The following DLG2 variants were observed in gnomAD, a reference collection of about 807,000 sequenced individuals.
DLG2 encodes the protein discs large MAGUK scaffold protein 2, also known as disks large homolog 2.
In DLG2, 45 loss-of-function variants were observed where a neutral mutation model predicts 132.5. The ratio of observed to expected loss-of-function variants is 0.34; its 90% CI spans 0.27 to 0.44. The LOEUF (loss-of-function observed/expected upper bound fraction) is 0.44. DLG2 is among the 20% of genes least tolerant of loss of function. The probability of loss-of-function intolerance (pLI) is 1.00; values close to 1 mark genes in which losing one functional copy is unlikely to be tolerated. For synonymous variants in DLG2, 424 were observed against 419.6 expected (o/e 1.01, Z -0.13); for missense variants, 1,045 against 1,196.9 (o/e 0.87, Z 1.87).
intron 8 of DLG2, among the ~76,000 whole-genome samples, chr11:84,214,446 T>C (rs2096808235): frequency 6.6e-6 from 1 of 151,662 alleles, no homozygotes. Context: ...TATATATGTA[T>C]AAACATATAT....
chr11:83,936,671 G>A (rs1712295058), intron 14 of DLG2, among the ~76,000 whole-genome samples: 1 of 152,174 alleles, frequency 6.6e-6, no homozygotes, highest in Admixed American at 6.5e-5. Flanking sequence ...ATTTAAAGTT[G>A]TTTTGAATAT....
chr11:85,583,042 C>T (rs1347458921), intron 3 of DLG2, among the ~76,000 whole-genome samples: 1 of 96,762 alleles, frequency 1.0e-5, no homozygotes, highest in Non-Finnish European at 2.0e-5. Context: ...GAACTAGAAA[C>T]CAGGGGAAAA....
At chr11:84,035,556 A>G (rs1384904836) in intron 11 of DLG2, among the ~76,000 whole-genome samples, 1 of 152,202 alleles carries the variant, frequency 6.6e-6, no homozygotes, top group African/African-American at 2.4e-5. Flanking sequence ...TTGAAGGTGC[A>G]TGGGCAAGGG....
At chr11:84,193,953 G>A (rs950494779) in intron 8 of DLG2, among the ~76,000 whole-genome samples, 19 of 152,264 alleles carry the variant, frequency 1.2e-4, no homozygotes, top group African/African-American at 3.1e-4. Context: ...GACTGCTGGC[G>A]TATGGAACAT....
At chr11:84,865,610 T>C (rs1449353659) in intron 6 of DLG2, among the ~76,000 whole-genome samples, 2 of 152,180 alleles carry the variant, frequency 1.3e-5, no homozygotes, top group African/African-American at 4.8e-5. Flanking sequence ...TTTTCAAAGG[T>C]AACAGTTATT....
intron 15 of DLG2, among the ~76,000 whole-genome samples, chr11:83,876,336 C>A (rs949339363): frequency 2.0e-5 from 3 of 152,238 alleles, no homozygotes; most frequent in Admixed American, 6.5e-5. Context: ...AGAATAATTA[C>A]TGTATTTAGA....
chr11:84,582,244 G>A (rs1213950455), intron 6 of DLG2, among the ~76,000 whole-genome samples: 1 of 151,284 alleles, frequency 6.6e-6, no homozygotes, highest in South Asian at 2.1e-4. Context: ...GATTCATTAA[G>A]TTTATCAGGG....
chr11:84,827,676 C>CAAAAAAAAAAAAAAAAAAAAAA (rs398016953), intron 6 of DLG2, among the ~76,000 whole-genome samples: 4 of 35,100 alleles, frequency 1.1e-4, no homozygotes, highest in Non-Finnish European at 1.9e-4. Flanking sequence ...TACATACAGT[C>CAAAAAAAAAAAAAAAAAAAAAA]AAAAAAAAAA....
chr11:83,780,413 A>G (rs2094767176), intron 18 of DLG2, among the ~76,000 whole-genome samples: 1 of 152,232 alleles, frequency 6.6e-6, no homozygotes, highest in South Asian at 2.1e-4. Flanking sequence ...TTTCCTTCTG[A>G]ATTAGCCTCA....
chr11:85,159,822 C>T (rs1208959314), intron 4 of DLG2, among the ~76,000 whole-genome samples: 1 of 152,214 alleles, frequency 6.6e-6, no homozygotes, highest in Non-Finnish European at 1.5e-5. Flanking sequence ...TATCAACTCT[C>T]CAGCTCTGTG....
intron 6 of DLG2, among the ~76,000 whole-genome samples, chr11:84,974,825 G>T (rs2054634628): frequency 6.6e-6 from 1 of 152,228 alleles, no homozygotes; most frequent in Non-Finnish European, 1.5e-5. Flanking sequence ...TGTGATGCAT[G>T]CTAGAGTTTG....
At chr11:84,791,144 T>C (rs571691223) in intron 6 of DLG2, among the ~76,000 whole-genome samples, 1 of 152,102 alleles carries the variant, frequency 6.6e-6, no homozygotes, top group South Asian at 2.1e-4. Flanking sequence ...AACCATCAGG[T>C]CTCATGAGAA....
chr11:84,733,634 T>C (rs916096995), intron 6 of DLG2, among the ~76,000 whole-genome samples: 1 of 152,194 alleles, frequency 6.6e-6, no homozygotes, highest in African/African-American at 2.4e-5. Flanking sequence ...AGAAGCTCTT[T>C]AGTTTAATTA....
intron 11 of DLG2, among the ~76,000 whole-genome samples, chr11:84,008,444 T>C (rs556869692): frequency 3.3e-5 from 5 of 152,056 alleles, no homozygotes; most frequent in African/African-American, 1.2e-4. Context: ...GTTTTGGAGA[T>C]GGAGTTTTGG....
chr11:85,401,463 C>T (rs926604614), intron 3 of DLG2, among the ~76,000 whole-genome samples: 1 of 151,974 alleles, frequency 6.6e-6, no homozygotes, highest in African/African-American at 2.4e-5. Context: ...ACTCCTATTC[C>T]ACATAGTATT....
At chr11:83,650,571 A>T (rs148843597) in intron 18 of DLG2, among the ~76,000 whole-genome samples, 2 of 152,204 alleles carry the variant, frequency 1.3e-5, no homozygotes, top group African/African-American at 2.4e-5. Flanking sequence ...TAAGCCACTA[A>T]ATTTGTAGTA....
chr11:85,538,132 T>A (rs548498721), intron 3 of DLG2, among the ~76,000 whole-genome samples: 2 of 151,464 alleles, frequency 1.3e-5, no homozygotes, highest in Admixed American at 6.6e-5. Context: ...TAATAAAAAA[T>A]TAAAAAATAA....
chr11:85,065,151 T>C (rs2064718430), intron 6 of DLG2, among the ~76,000 whole-genome samples: 1 of 151,446 alleles, frequency 6.6e-6, no homozygotes, highest in Admixed American at 6.6e-5. Context: ...AACATTTCTT[T>C]AGTATTAGTA....
intron 4 of DLG2, among the ~76,000 whole-genome samples, chr11:85,244,341 G>A (rs549462118): frequency 6.6e-6 from 1 of 152,044 alleles, no homozygotes; most frequent in Middle Eastern, 3.4e-3. Flanking sequence ...GAAAGGAAAA[G>A]CTAAGTGATG....
Sources: allele counts gnomAD v4.1 joint callset (sites outside exome capture counted in the v4.1 genomes callset), GRCh38; gene constraint gnomAD v4.1.1; transcripts MANE v1.5; gene names NCBI Gene and HGNC (gene_info 2026-07-23, HGNC 2026-07-21).